HDAC7: variants seen among roughly 807,000 people sequenced by gnomAD.
HDAC7 encodes the protein histone deacetylase 7A.
Under a neutral mutation model 115.5 loss-of-function variants are expected in HDAC7, and 26 were observed. The ratio of observed to expected loss-of-function variants is 0.23; its 90% CI spans 0.16 to 0.31. The LOEUF is 0.31. HDAC7 is among the 10% of genes least tolerant of loss of function. HDAC7 has a pLI of 1.00. For missense variants in HDAC7, 1,068 were observed against 1,329.0 expected (o/e 0.80, Z 3.05); for synonymous variants, 564 against 550.9 (o/e 1.02, Z -0.33).
intron 13 of HDAC7, 90 bp from the exon 14 acceptor site, chr12:47,792,094 G>A: frequency 1.4e-6 from 2 of 1,452,062 alleles, no homozygotes; most frequent in Non-Finnish European, 1.8e-6. Flanking sequence ...CGCCACAGCA[G>A]GCACCCACAT....
At chr12:47,799,304 G>C (rs1944050364) in intron 2 of HDAC7, among the ~76,000 whole-genome samples, 1 of 152,104 alleles carries the variant, frequency 6.6e-6, no homozygotes, top group East Asian at 1.9e-4. Flanking sequence ...TCTCCGATGG[G>C]CTGCAGATCC....
Position 47,791,318 on chromosome 12 carries a change from G to A in HDAC7, c.1934-10C>T. 6.3e-7 allele frequency: 1 copy of A among 1,582,960 alleles called. No individual in the cohort carries two copies. The highest frequency in any genetic ancestry group is 8.6e-7 in the Non-Finnish European group (1 of 1,164,534). ...CGCTGTGCCAGGAGCCCTGCGGGGAGAGGCCCAGCCCACGTCAGCGTGAAT... is the reference window on the plus strand; with the variant it reads ...CGCTGTGCCAGGAGCCCTGCGGGGAAAGGCCCAGCCCACGTCAGCGTGAAT... On this transcript the variant is annotated splice_polypyrimidine_tract_variant and intron_variant, in intron 15 of 25. Coordinates refer to ENST00000080059, the MANE Select transcript of HDAC7 (RefSeq NM_015401.5).
intron 1 of HDAC7, among the ~76,000 whole-genome samples, chr12:47,818,518 G>A (rs1416046941): frequency 6.6e-6 from 1 of 152,218 alleles, no homozygotes; most frequent in African/African-American, 2.4e-5. Context: ...CCGCCAAAGC[G>A]TCTCATTGGA....
At chr12:47,791,564 G>T in intron 15 of HDAC7, 22 bp downstream of exon 15, 1 of 1,593,898 alleles carries the variant, frequency 6.3e-7, no homozygotes, top group East Asian at 2.3e-5. Flanking sequence ...GGCATGGGGA[G>T]ACAGGGCCAC....
intron 1 of HDAC7, among the ~76,000 whole-genome samples, chr12:47,819,497 C>T (rs1211645868): frequency 6.6e-6 from 1 of 152,028 alleles, no homozygotes; most frequent in Non-Finnish European, 1.5e-5. Context: ...CCTGTAGCTG[C>T]CCCGGGGCGG....
rs748603769 is a variant in HDAC7 at position 47,795,238 on chromosome 12, C to T, written c.1230G>A (p.Pro410=). The stretch of plus-strand genomic sequence containing the variant: ...GCTCCAGGCGGGGCTGCATGGGGCC[C>T]GGCGGTGGGGGAGCGGTGGCACTGG... ...LPPSATAPPP[P]GPMQPRLEQL... The change falls in exon 11 of 26, where the codon CCG becomes CCA. Residue 410 remains proline, a synonymous_variant. Transcript: ENST00000080059. The surrounding 1 kb of genome is among the most constrained non-coding windows in gnomAD (Gnocchi z 4.3). The T allele has an allele frequency of 2.8e-5, 45 of 1,612,624 alleles. No individual in the cohort carries two copies. The highest frequency in any genetic ancestry group is 3.6e-5 in the Non-Finnish European group (42 of 1,179,276).
chr12:47,801,639 T>C lies in HDAC7; in HGVS notation c.70+585A>G, dbSNP rs577505731. On this transcript the variant is annotated intron_variant, in intron 2 of 25. Transcript: ENST00000080059. ...TTGCACTCAGTAGGCCCTTGGTTGA[T>C]ACTGGCTACACTAAAGGAAGGGCAG... 3.9e-5 allele frequency among the ~76,000 whole-genome samples: 6 copies of C among 152,338 alleles called. No individual in the cohort carries two copies. The South Asian group carries it at 1.0e-3, about 26-fold the overall frequency.
Position 47,797,972 on chromosome 12 carries a change from T to G in HDAC7, c.461+136A>C. 2.2e-5 allele frequency: 15 copies of G among 667,574 alleles called. No individual in the cohort carries two copies. Among genetic ancestry groups the G allele is most frequent in the Middle Eastern group, 4.0e-4 (1 of 2,488 alleles). 41.4% of individuals were successfully genotyped at this position (667,574 alleles called of 1,614,324 possible). On this transcript the variant is annotated intron_variant, in intron 5 of 25. Transcript: ENST00000080059. The surrounding 1 kb of genome is among the most constrained non-coding windows in gnomAD (Gnocchi z 5.5). Reference sequence around the variant, plus strand: ...CAGTTGAGAGAGGGGCTCGGGGGCATTATGTTTAGAGGAAGGGTAAGGACT... The same window carrying G: ...CAGTTGAGAGAGGGGCTCGGGGGCAGTATGTTTAGAGGAAGGGTAAGGACT...
At chr12:47,784,261 C>T in intron 24 of HDAC7, 44 bp from the exon 25 acceptor site, 1 of 1,579,830 alleles carries the variant, frequency 6.3e-7, no homozygotes, top group Non-Finnish European at 8.6e-7. Flanking sequence ...GAAAGCAAGC[C>T]CCTCCACACT....
intron 1 of HDAC7, among the ~76,000 whole-genome samples, chr12:47,812,054 G>A (rs1944691305): frequency 6.6e-6 from 1 of 152,212 alleles, no homozygotes; most frequent in Non-Finnish European, 1.5e-5. Flanking sequence ...GTTCACCCCA[G>A]CAGATGCTGG....
rs2136985106 is a variant in HDAC7 at position 47,798,325 on chromosome 12, G to A, written c.350-106C>T. 1 of 985,550 alleles carries A rather than the reference G, an allele frequency of 1.0e-6. No individual in the cohort carries two copies. The highest frequency in any genetic ancestry group is 2.4e-5 in the East Asian group (1 of 41,926). 61.1% of individuals were successfully genotyped at this position (985,550 alleles called of 1,614,324 possible). A position where few individuals can be genotyped will look rare whatever the true frequency, so the allele number is the denominator to read the frequency against. ...CATCCTCAGTAGGAGGCGTCCCAGG[G>A]ACTCCCTAGGCAAGAGCCAAGCCCG... On this transcript the variant is annotated intron_variant, in intron 4 of 25. Coordinates refer to ENST00000080059, the MANE Select transcript of HDAC7 (RefSeq NM_015401.5). This position sits in a 1 kb window ranked among gnomAD's most constrained non-coding sequence, Gnocchi z 4.3.
At chr12:47,805,200 A>C (rs1164137869) in intron 1 of HDAC7, among the ~76,000 whole-genome samples, 1 of 151,330 alleles carries the variant, frequency 6.6e-6, no homozygotes, top group East Asian at 1.9e-4. Flanking sequence ...CCTCCAGAGT[A>C]GCTGGGACTA....
At chr12:47,799,411 A>G (rs543434500) in intron 2 of HDAC7, among the ~76,000 whole-genome samples, 6 of 152,350 alleles carry the variant, frequency 3.9e-5, no homozygotes, top group African/African-American at 1.4e-4. Flanking sequence ...TTGGGCTCAA[A>G]GGAAGCAATC....
At position 47,797,855 on chromosome 12, in the gene HDAC7, GGTGT is replaced by G. The variant is rs373121556; in HGVS notation, c.461+249_461+252del. Among the ~76,000 whole-genome samples, 8,784 of 123,906 alleles carry G rather than the reference GGTGT, an allele frequency of 0.071. 591 individuals are homozygous for G. The highest frequency in any genetic ancestry group is 0.19 in the African/African-American group (6,073 of 31,274). 81.3% of individuals were successfully genotyped at this position (123,906 alleles called of 152,430 possible). A position where few individuals can be genotyped will look rare whatever the true frequency, so the allele number is the denominator to read the frequency against. On this transcript the variant is annotated intron_variant, in intron 5 of 25. Transcript: ENST00000080059. This position sits in a 1 kb window ranked among gnomAD's most constrained non-coding sequence, Gnocchi z 5.5. ...TCATGTGCAAGAAAAAAGCCAGTAG[GGTGT>G]GTGTGTGTGTGTGTGTGTGTGTGTG...
intron 1 of HDAC7, among the ~76,000 whole-genome samples, chr12:47,810,804 GTCTCTCTCTCTCTCTCTCTC>G (rs60132211): frequency 9.9e-5 from 13 of 131,684 alleles, no homozygotes; most frequent in South Asian, 2.6e-4. Flanking sequence ...GGAGGAAAAG[GTCTCTCTCTCTCTCTCTCTC>G]TCTCTCTCTC....
At chr12:47,789,621 A>AC (rs1332831089) in intron 17 of HDAC7, 43 bp from the exon 18 acceptor site, 1 of 1,602,142 alleles carries the variant, frequency 6.2e-7, no homozygotes, top group South Asian at 1.1e-5. Context: ...GACAGCTCTG[A>AC]CCCACAGCTG....
At chr12:47,810,830 C>CTCTCTG (rs1397025087) in intron 1 of HDAC7, among the ~76,000 whole-genome samples, 3 of 96,676 alleles carry the variant, frequency 3.1e-5, no homozygotes, top group Admixed American at 2.8e-4. Flanking sequence ...CTCTCTCTCT[C>CTCTCTG]TCTCTCTCTC....
Position 47,798,194 on chromosome 12 carries a change from C to T in HDAC7, c.375G>A (p.Lys125=). The T allele has an allele frequency of 6.2e-7, 1 of 1,613,786 alleles. No homozygotes were observed. The highest frequency in any genetic ancestry group is 2.2e-5 in the East Asian group (1 of 44,866). Residue 125 remains lysine (K), a synonymous_variant, in exon 5 of 26, where the codon AAG becomes AAA. Transcript: ENST00000080059. This position sits in a 1 kb window ranked among gnomAD's most constrained non-coding sequence, Gnocchi z 4.3. ...KRSAVASSVV[K]QKLAEVILKK... is the part of the protein sequence containing the mutation. ...TCAGAATCACCTCCGCTAGCTTCTGCTTGACCACGCTGCTGGCTACAGCAC... is the reference window on the plus strand; with the variant it reads ...TCAGAATCACCTCCGCTAGCTTCTGTTTGACCACGCTGCTGGCTACAGCAC...
At chr12:47,811,691 C>A (rs940995393) in intron 1 of HDAC7, among the ~76,000 whole-genome samples, 3 of 152,300 alleles carry the variant, frequency 2.0e-5, no homozygotes, top group Non-Finnish European at 4.4e-5. Context: ...ATAGACACAG[C>A]CCATGGTAGC....
Sources: allele counts gnomAD v4.1 joint callset (sites outside exome capture counted in the v4.1 genomes callset), GRCh38; gene constraint gnomAD v4.1.1; non-coding constraint Gnocchi (gnomAD v3.1); transcripts MANE v1.5; gene names NCBI Gene and HGNC (gene_info 2026-07-23, HGNC 2026-07-21).